The following MED23 variants were observed in gnomAD, a reference collection of about 807,000 sequenced individuals.
The protein encoded by MED23 is mediator complex subunit 23.
In MED23, 105 loss-of-function variants were observed where a neutral mutation model predicts 163.9. The observed-to-expected ratio is 0.64, with a 90% CI of 0.55 to 0.75. MED23 has a LOEUF of 0.75. Ranked by LOEUF, MED23 falls within the 30% of genes least tolerant of loss-of-function variation. The probability of loss-of-function intolerance (pLI) is 0.00; values close to 1 mark genes in which losing one functional copy is unlikely to be tolerated. For missense variants in MED23, 1,054 were observed against 1,649.0 expected (o/e 0.64, Z 6.25); for synonymous variants, 561 against 565.6 (o/e 0.99, Z 0.12).
At chr6:131,604,529 T>G (rs1333502894) in intron 14 of MED23, among the ~76,000 whole-genome samples, 1 of 152,180 alleles carries the variant, frequency 6.6e-6, no homozygotes, top group Non-Finnish European at 1.5e-5. Flanking sequence ...GCTTTCAATA[T>G]GCATACGGAT....
Position 131,589,525 on chromosome 6 carries a change from G to A in MED23, c.3879C>T (p.Pro1293=), listed in dbSNP as rs1185392847. ...QCSTHLNYMD[P]ICDFLYHMKY... is the part of the protein sequence containing the mutation. ...TCATGTGATAGAGGAAGTCACAGAT[G>A]GGATCCATGTAATTTAAATGGGTGC... is the stretch of plus-strand genomic sequence containing the variant. Residue 1293 remains proline, a synonymous_variant, in exon 28 of 29, where the codon CCC becomes CCT. Coordinates refer to ENST00000368068, the MANE Select transcript of MED23 (RefSeq NM_004830.4). 7 of 1,613,452 alleles carry A rather than the reference G, an allele frequency of 4.3e-6. No homozygotes were observed. The highest frequency in any genetic ancestry group is 1.1e-5 in the South Asian group (1 of 91,060).
intron 30 of MED23, chr6:131,581,108 TATC>T: frequency 1.9e-6 from 2 of 1,052,262 alleles, no homozygotes; most frequent in Non-Finnish European, 2.9e-6. Context: ...CTATCAGAAA[TATC>T]AGACACTGTG....
chr6:131,602,782 C>A (rs968443182), intron 16 of MED23, among the ~76,000 whole-genome samples: 1 of 151,968 alleles, frequency 6.6e-6, no homozygotes, highest in African/African-American at 2.4e-5. Context: ...ATAATAAATA[C>A]CCTGGAAGTA....
chr6:131,597,259 G>A lies in MED23; in HGVS notation c.2608-571C>T, dbSNP rs148262730. On this transcript the variant is annotated intron_variant, in intron 20 of 28. Coordinates refer to ENST00000368068, the MANE Select transcript of MED23 (RefSeq NM_004830.4). ...TCGGAGGCCGAGGCGGGCAGAACAC[G>A]AGGTCAGGAGATTGAGCCCATCCTG... 5.8e-3 allele frequency among the ~76,000 whole-genome samples: 885 copies of A among 151,914 alleles called. 10 individuals are homozygous for A. Among genetic ancestry groups the A allele is most frequent in the African/African-American group, 0.021 (850 of 41,428 alleles).
chr6:131,595,085 A>G (rs1774949660), intron 22 of MED23, among the ~76,000 whole-genome samples: 1 of 152,214 alleles, frequency 6.6e-6, no homozygotes, highest in Non-Finnish European at 1.5e-5. Context: ...AAGGTATCTT[A>G]AAGATGAAGC....
chr6:131,603,191 T>A lies in MED23; in HGVS notation c.1770A>T (p.Pro590=). Residue 590 remains proline, a synonymous_variant, in exon 16 of 29, where the codon CCA becomes CCT. Transcript: ENST00000368068. ...GIKGFISQLL[P]TVFKSHAWGI... is the part of the protein sequence containing the mutation. ...CCCATGCATGTGATTTGAAAACAGT[T>A]GGCAAAAGCTGACCTGGAGGAAAAA... 6.2e-7 allele frequency: 1 copy of A among 1,613,906 alleles called. No homozygotes were observed. The highest frequency in any genetic ancestry group is 8.5e-7 in the Non-Finnish European group (1 of 1,179,854).
chr6:131,619,224 G>C (rs958616490), intron 8 of MED23, among the ~76,000 whole-genome samples: 2 of 152,098 alleles, frequency 1.3e-5, no homozygotes, highest in African/African-American at 4.8e-5. Flanking sequence ...TGTATTTTCA[G>C]TATCTAGAAT....
chr6:131,586,730 A>G, downstream of MED23: 2 of 1,433,956 alleles, frequency 1.4e-6, no homozygotes, highest in Non-Finnish European at 1.9e-6. Context: ...ATTCCAATGG[A>G]GTCGGGAAAC....
At chr6:131,586,659 C>G, downstream of MED23, 10 of 1,074,334 alleles carry the variant, frequency 9.3e-6, no homozygotes, top group Non-Finnish European at 1.2e-5. Flanking sequence ...GTAGGAACCA[C>G]AGAGTACCCC....
At chr6:131,601,707 C>A (rs973844764) in intron 17 of MED23, among the ~76,000 whole-genome samples, 2 of 152,130 alleles carry the variant, frequency 1.3e-5, no homozygotes. Context: ...TTCCTTTACA[C>A]CAGATATTAG....
intron 14 of MED23, 57 bp downstream of exon 14, chr6:131,605,183 T>C: frequency 6.4e-7 from 1 of 1,571,096 alleles, no homozygotes; most frequent in Non-Finnish European, 8.8e-7. Context: ...AATAAAGGTT[T>C]ATACTATACT....
At chr6:131,582,655 C>T (rs1773987980), downstream of MED23, 2 of 1,613,686 alleles carry the variant, frequency 1.2e-6, no homozygotes, top group African/African-American at 1.3e-5. Flanking sequence ...TGGGTGACTC[C>T]CTGTATATCT....
downstream of MED23, chr6:131,583,734 T>C (rs374805901): frequency 6.6e-5 from 107 of 1,612,990 alleles, no homozygotes; most frequent in African/African-American, 1.3e-3. Flanking sequence ...TACAATTTGT[T>C]GTTGTAGGGC....
rs1357893663 is a variant in MED23, at chr6:131,610,214, C to T, written c.909G>A (p.Gln303=). Residue 303 remains glutamine, a synonymous_variant, in exon 11 of 29, where the codon CAG becomes CAA. Coordinates refer to ENST00000368068, the MANE Select transcript of MED23 (RefSeq NM_004830.4). ...HKQRCPVLED[Q]LVDLVVYAME... ...TGGCATAAACAACCAGATCCACCAA[C>T]TGGTCCTCCAGCACAGGGCAGCGCT... is the stretch of plus-strand genomic sequence containing the variant. The T allele has an allele frequency of 1.2e-6, 2 of 1,614,016 alleles. No homozygotes were observed. The highest frequency in any genetic ancestry group is 1.7e-6 in the Non-Finnish European group (2 of 1,179,930).
At chr6:131,589,003 A>C (rs1774384357) in intron 28 of MED23, among the ~76,000 whole-genome samples, 1 of 152,046 alleles carries the variant, frequency 6.6e-6, no homozygotes, top group Non-Finnish European at 1.5e-5. Context: ...ATATTCTCTA[A>C]ATGCTTTTCA....
At chr6:131,593,977 G>T in intron 23 of MED23, 122 bp downstream of exon 23, 1 of 765,160 alleles carries the variant, frequency 1.3e-6, no homozygotes, top group Non-Finnish European at 2.1e-6. Context: ...GAAAATGGAA[G>T]TGATCTTAAA....
At chr6:131,597,646 G>C (rs1368328833) in intron 20 of MED23, among the ~76,000 whole-genome samples, 1 of 152,108 alleles carries the variant, frequency 6.6e-6, no homozygotes, top group African/African-American at 2.4e-5. Flanking sequence ...TCCCTCTAGT[G>C]GGAGTTTTGG....
downstream of MED23, chr6:131,586,671 T>G (rs554267720): frequency 1.8e-5 from 22 of 1,232,998 alleles, no homozygotes; most frequent in Non-Finnish European, 2.3e-5. Flanking sequence ...GAGTACCCCA[T>G]TTCCAACTGA....
At position 131,628,110 on chromosome 6, in the gene MED23, TG is replaced by T; in HGVS notation, c.-62del. On this transcript the variant is annotated 5_prime_UTR_variant, in exon 1 of 29. Coordinates refer to ENST00000368068, the MANE Select transcript of MED23 (RefSeq NM_004830.4). ...CAAGGCCCGGATCAGACTCGAGCTC[TG>T]GGAATATAGGGGCAGAGGGGCGGAG... 10 of 1,587,032 alleles carry T rather than the reference TG, an allele frequency of 6.3e-6. No homozygotes were observed. The highest frequency in any genetic ancestry group is 7.8e-6 in the Non-Finnish European group (9 of 1,156,810).
Sources: allele counts gnomAD v4.1 joint callset (sites outside exome capture counted in the v4.1 genomes callset), GRCh38; gene constraint gnomAD v4.1.1; transcripts MANE v1.5; gene names NCBI Gene and HGNC (gene_info 2026-07-23, HGNC 2026-07-21).